Variants in ZBTB20 observed in about 807,000 individuals in gnomAD.
The protein encoded by ZBTB20 is zinc finger and BTB domain-containing protein 20.
A neutral mutation model predicts 56.9 loss-of-function variants in ZBTB20; 9 were observed. The ratio of observed to expected loss-of-function variants is 0.16; its 90% CI spans 0.10 to 0.28. The LOEUF (loss-of-function observed/expected upper bound fraction) is 0.28. Among genes scored for constraint, ZBTB20 ranks in the 10% least tolerant of loss-of-function variants. ZBTB20 has a pLI of 1.00. For synonymous variants in ZBTB20, 417 were observed against 420.7 expected (o/e 0.99, Z 0.11); for missense variants, 655 against 1,003.0 (o/e 0.65, Z 4.69).
chr3:115,074,841 G>A lies in ZBTB20; in HGVS notation c.-702-3427C>T, dbSNP rs1250894764. ...GCCTCTGATAGGAACCTTTCTGACT[G>A]CAAAGTCCCCAGAAGTTTTAATTTT... On this transcript the variant is annotated intron_variant, in intron 1 of 11. Transcript: ENST00000675478. Among the ~76,000 whole-genome samples the A allele has an allele frequency of 2.0e-5, 3 of 152,166 alleles. No individual in the cohort carries two copies. The East Asian group carries it at 5.8e-4, about 29-fold the overall frequency.
intron 4 of ZBTB20, among the ~76,000 whole-genome samples, chr3:114,806,039 C>T (rs184524972): frequency 2.0e-4 from 30 of 151,940 alleles, no homozygotes; most frequent in African/African-American, 6.0e-4. Context: ...TTTACTGTTA[C>T]GAATAATGCT....
Position 114,325,885 on chromosome 3 carries a change from G to A in ZBTB20, c.*13120C>T, listed in dbSNP as rs1249850160. 3 of 152,118 alleles carry A rather than the reference G, an allele frequency of 2.0e-5. No individual in the cohort carries two copies. Among genetic ancestry groups the A allele is most frequent in the African/African-American group, 7.2e-5 (3 of 41,442 alleles). 9.4% of individuals were successfully genotyped at this position (152,118 alleles called of 1,614,324 possible). A position where few individuals can be genotyped will look rare whatever the true frequency, so the allele number is the denominator to read the frequency against. The stretch of plus-strand genomic sequence containing the variant: ...TACAATTTCCTTTTTTAAAAAAATA[G>A]TTTCTAATTTGTTTTTTCCTTCTTT... On this transcript the variant is annotated 3_prime_UTR_variant, in exon 12 of 12. Transcript: ENST00000675478.
intron 4 of ZBTB20, among the ~76,000 whole-genome samples, chr3:114,805,972 C>A (rs933873439): frequency 7.9e-5 from 12 of 151,774 alleles, no homozygotes; most frequent in Admixed American, 5.9e-4. Flanking sequence ...ATGGATATAA[C>A]ACCACATTTT....
chr3:114,917,219 TA>T (rs1378945500), intron 3 of ZBTB20, among the ~76,000 whole-genome samples: 1 of 152,232 alleles, frequency 6.6e-6, no homozygotes, highest in Non-Finnish European at 1.5e-5. Flanking sequence ...GTTTGATTCT[TA>T]AAAATTGTGT....
At chr3:114,428,339 G>A (rs564597307) in intron 7 of ZBTB20, among the ~76,000 whole-genome samples, 15 of 152,124 alleles carry the variant, frequency 9.9e-5, no homozygotes, top group Non-Finnish European at 1.9e-4. Flanking sequence ...ACCTCACTCC[G>A]GAAATGGTAA....
intron 5 of ZBTB20, among the ~76,000 whole-genome samples, chr3:114,736,431 T>C (rs960408640): frequency 2.6e-5 from 4 of 152,304 alleles, no homozygotes; most frequent in Non-Finnish European, 5.9e-5. Context: ...TGATGTTCTA[T>C]TGAGGTTTCT....
intron 6 of ZBTB20, among the ~76,000 whole-genome samples, chr3:114,607,419 C>T (rs1440587706): frequency 6.6e-6 from 1 of 151,578 alleles, no homozygotes; most frequent in Non-Finnish European, 1.5e-5. Context: ...TCTCCTGCCT[C>T]AGGCTCCCAA....
At chr3:114,402,889 T>C (rs13087635) in intron 7 of ZBTB20, among the ~76,000 whole-genome samples, 3 of 152,176 alleles carry the variant, frequency 2.0e-5, no homozygotes, top group Admixed American at 1.3e-4. Flanking sequence ...ATCTGGGAGA[T>C]GATTATACTT....
At chr3:114,803,080 T>C (rs2071836367) in intron 4 of ZBTB20, among the ~76,000 whole-genome samples, 1 of 151,676 alleles carries the variant, frequency 6.6e-6, no homozygotes, top group African/African-American at 2.4e-5. Context: ...CTTTTTCTTC[T>C]ATTTCTGCTT....
Position 114,350,308 on chromosome 3 carries a change from T to C in ZBTB20, c.1770A>G (p.Lys590=). 1 of 1,612,876 alleles carries C rather than the reference T, an allele frequency of 6.2e-7. No homozygotes were observed. The highest frequency in any genetic ancestry group is 8.5e-7 in the Non-Finnish European group (1 of 1,179,054). ...CTLCNKTFTA[K]QNYVKHMFVH... ...CGAACATGTGCTTGACGTAGTTCTG[T>C]TTGGCGGTGAAAGTCTTGTTGCAGA... The change falls in exon 11 of 12, where the codon AAA becomes AAG. Residue 590 remains lysine (K), a synonymous_variant. Transcript: ENST00000675478.
chr3:114,429,011 CA>C (rs1359156689), intron 7 of ZBTB20, among the ~76,000 whole-genome samples: 3 of 151,790 alleles, frequency 2.0e-5, no homozygotes, highest in African/African-American at 7.3e-5. Flanking sequence ...AAAAAAGATA[CA>C]GGGGGAGAGA....
chr3:114,328,191 A>G lies in ZBTB20; in HGVS notation c.*10814T>C, dbSNP rs2079122411. On this transcript the variant is annotated 3_prime_UTR_variant, in exon 12 of 12. Coordinates refer to ENST00000675478, the MANE Select transcript of ZBTB20 (RefSeq NM_001348800.3). The stretch of plus-strand genomic sequence containing the variant: ...AACTTTATGGATCTTTTCATCCATT[A>G]GTAAGTTACTGCTCAAAGTTCTAAA... 6.6e-6 allele frequency: 1 copy of G among 152,184 alleles called. No homozygotes were observed. The highest frequency in any genetic ancestry group is 2.4e-5 in the African/African-American group (1 of 41,446). 9.4% of individuals were successfully genotyped at this position (152,184 alleles called of 1,614,324 possible).
intron 6 of ZBTB20, among the ~76,000 whole-genome samples, chr3:114,527,992 ATT>A (rs35884469): frequency 5.6e-5 from 8 of 142,392 alleles, no homozygotes; most frequent in Non-Finnish European, 4.6e-5. Context: ...TCCCTTCATA[ATT>A]TTTTTTTTTT....
intron 5 of ZBTB20, among the ~76,000 whole-genome samples, chr3:114,746,425 C>T (rs937170250): frequency 3.3e-5 from 5 of 151,800 alleles, no homozygotes; most frequent in African/African-American, 7.3e-5. Context: ...CTGGATGCTT[C>T]GTTCTAGTAG....
chr3:114,679,445 A>T (rs1186727245), intron 6 of ZBTB20, among the ~76,000 whole-genome samples: 1 of 152,220 alleles, frequency 6.6e-6, no homozygotes, highest in African/African-American at 2.4e-5. Flanking sequence ...CAAGAATAAA[A>T]CAAATAACCC....
intron 7 of ZBTB20, among the ~76,000 whole-genome samples, chr3:114,451,706 TAA>T (rs1277474051): frequency 6.6e-6 from 1 of 152,044 alleles, no homozygotes; most frequent in Admixed American, 6.5e-5. Context: ...AAAAGGAATC[TAA>T]ATAAAAAGTC....
chr3:114,527,803 A>G (rs1236336021), intron 6 of ZBTB20, among the ~76,000 whole-genome samples: 4 of 152,224 alleles, frequency 2.6e-5, no homozygotes, highest in Admixed American at 2.6e-4. Context: ...ATTTAATAGG[A>G]TAAAATAACT....
At chr3:114,910,117 T>C (rs2075472561) in intron 3 of ZBTB20, among the ~76,000 whole-genome samples, 1 of 151,982 alleles carries the variant, frequency 6.6e-6, no homozygotes, top group Non-Finnish European at 1.5e-5. Flanking sequence ...GATTACTGAA[T>C]ACTATGAAAT....
chr3:115,015,024 A>T (rs1365148919), intron 2 of ZBTB20, among the ~76,000 whole-genome samples: 1 of 151,804 alleles, frequency 6.6e-6, no homozygotes, highest in Non-Finnish European at 1.5e-5. Flanking sequence ...GTTATGAGGA[A>T]ATAAATCATG....
Sources: allele counts gnomAD v4.1 joint callset (sites outside exome capture counted in the v4.1 genomes callset), GRCh38; gene constraint gnomAD v4.1.1; transcripts MANE v1.5; gene names NCBI Gene and HGNC (gene_info 2026-07-23, HGNC 2026-07-21).